ADGRB3: variants seen among roughly 807,000 people sequenced by gnomAD.
The protein encoded by ADGRB3 is brain-specific angiogenesis inhibitor 3.
A neutral mutation model predicts 193.4 loss-of-function variants in ADGRB3; 37 were observed. The ratio of observed to expected loss-of-function variants is 0.19; its 90% CI spans 0.15 to 0.25. The LOEUF (loss-of-function observed/expected upper bound fraction) is 0.25. Ranked by LOEUF, ADGRB3 falls within the 10% of genes least tolerant of loss-of-function variation. ADGRB3 has a pLI of 1.00. For missense variants in ADGRB3, 1,637 were observed against 1,852.9 expected (o/e 0.88, Z 2.14); for synonymous variants, 690 against 644.2 (o/e 1.07, Z -1.08).
At chr6:68,877,666 A>G (rs893962804) in intron 3 of ADGRB3, among the ~76,000 whole-genome samples, 3 of 152,128 alleles carry the variant, frequency 2.0e-5, no homozygotes, top group African/African-American at 4.8e-5. Flanking sequence ...GAAAACAAAG[A>G]CATTATCTTT....
chr6:69,291,199 A>T (rs1443691494), intron 20 of ADGRB3, among the ~76,000 whole-genome samples: 3 of 152,138 alleles, frequency 2.0e-5, no homozygotes, highest in Non-Finnish European at 4.4e-5. Flanking sequence ...GCCCACCTTC[A>T]TATAATTCTC....
rs147212224 is a variant in ADGRB3, at chr6:69,134,489, C to A, written c.2480+58451C>A. Among the ~76,000 whole-genome samples the A allele has an allele frequency of 1.5e-3, 234 of 152,192 alleles. 3 individuals carry two copies. Among genetic ancestry groups the A allele is most frequent in the African/African-American group, 5.2e-3 (217 of 41,548 alleles). On this transcript the variant is annotated intron_variant, in intron 17 of 31. Coordinates refer to ENST00000370598, the MANE Select transcript of ADGRB3 (RefSeq NM_001704.3). ...ACCATAGCTTTTACTTCCCTGTAAT[C>A]CCCATAGCACTTCATATCTCATATT...
chr6:69,323,328 T>C (rs929431571), intron 20 of ADGRB3, among the ~76,000 whole-genome samples: 1 of 151,926 alleles, frequency 6.6e-6, no homozygotes, highest in Non-Finnish European at 1.5e-5. Context: ...GGAATTCAAA[T>C]GGATTGGTGA....
intron 20 of ADGRB3, among the ~76,000 whole-genome samples, chr6:69,259,695 C>CAAAAAAAAA (rs397887907): frequency 1.1e-3 from 87 of 76,156 alleles, no homozygotes; most frequent in African/African-American, 3.9e-3. Flanking sequence ...GACTCTGTCT[C>CAAAAAAAAA]AAAAAAAAAA....
At chr6:68,819,894 C>T (rs1248502692) in intron 3 of ADGRB3, among the ~76,000 whole-genome samples, 2 of 151,932 alleles carry the variant, frequency 1.3e-5, no homozygotes, top group Non-Finnish European at 2.9e-5. Context: ...CTTATTTCCC[C>T]GAATATCATC....
At chr6:69,225,417 T>C (rs1765988103) in intron 17 of ADGRB3, among the ~76,000 whole-genome samples, 1 of 152,206 alleles carries the variant, frequency 6.6e-6, no homozygotes, top group Admixed American at 6.5e-5. Flanking sequence ...TGAGTACTCT[T>C]CCTGTATGTT....
intron 31 of ADGRB3, among the ~76,000 whole-genome samples, chr6:69,388,177 G>A (rs1770114797): frequency 6.6e-6 from 1 of 152,046 alleles, no homozygotes; most frequent in African/African-American, 2.4e-5. Flanking sequence ...GAATATAGCA[G>A]CATTTAAATA....
intron 17 of ADGRB3, among the ~76,000 whole-genome samples, chr6:69,153,628 G>A (rs2150342060): frequency 6.6e-6 from 1 of 152,052 alleles, no homozygotes; most frequent in African/African-American, 2.4e-5. Flanking sequence ...ATTTCAAATG[G>A]GATCCATCAG....
At position 68,930,553 on chromosome 6, in the gene ADGRB3, CT is replaced by C; in HGVS notation, c.758-3del. ...AAGCTTTCATATACCTTTATTCTGT[CT>C]TTAGAATTTGGAATGATGGGAGATC... On this transcript the variant is annotated splice_polypyrimidine_tract_variant and splice_region_variant and intron_variant, in intron 3 of 31. Coordinates refer to ENST00000370598, the MANE Select transcript of ADGRB3 (RefSeq NM_001704.3). The C allele has an allele frequency of 6.3e-7, 1 of 1,596,048 alleles. No individual in the cohort carries two copies. Among genetic ancestry groups the C allele is most frequent in the Non-Finnish European group, 8.6e-7 (1 of 1,166,384 alleles).
At chr6:69,199,327 T>C (rs1040105538) in intron 17 of ADGRB3, among the ~76,000 whole-genome samples, 1 of 152,104 alleles carries the variant, frequency 6.6e-6, no homozygotes, top group Non-Finnish European at 1.5e-5. Context: ...CAGACTGTTT[T>C]TGAAGTCACC....
chr6:69,032,931 G>T (rs903379520), intron 13 of ADGRB3, among the ~76,000 whole-genome samples: 5 of 152,222 alleles, frequency 3.3e-5, no homozygotes, highest in Admixed American at 3.3e-4. Context: ...ACAAACACAA[G>T]GCCAAATATG....
chr6:69,225,118 T>G (rs991864057), intron 17 of ADGRB3, among the ~76,000 whole-genome samples: 4 of 152,204 alleles, frequency 2.6e-5, no homozygotes, highest in African/African-American at 9.6e-5. Context: ...ATATAATTTT[T>G]TGTGCTATCT....
At chr6:69,281,927 TC>T (rs1434018115) in intron 20 of ADGRB3, among the ~76,000 whole-genome samples, 3 of 152,136 alleles carry the variant, frequency 2.0e-5, no homozygotes, top group Admixed American at 6.6e-5. Context: ...TTTATTGTCA[TC>T]CTGATTTGGG....
intron 3 of ADGRB3, among the ~76,000 whole-genome samples, chr6:68,774,709 G>A (rs993667490): frequency 4.6e-5 from 7 of 151,906 alleles, no homozygotes; most frequent in Non-Finnish European, 1.0e-4. Context: ...ACATCCAAAA[G>A]ATTTGAAATA....
chr6:69,351,176 C>A (rs1769217112), intron 26 of ADGRB3, among the ~76,000 whole-genome samples: 1 of 151,320 alleles, frequency 6.6e-6, no homozygotes, highest in Non-Finnish European at 1.5e-5. Context: ...TCACTGCAAC[C>A]TTCGCCTCCC....
chr6:69,255,626 C>A (rs897610981), intron 20 of ADGRB3, among the ~76,000 whole-genome samples: 6 of 152,058 alleles, frequency 3.9e-5, no homozygotes, highest in African/African-American at 1.5e-4. Context: ...GAGTAGGTTG[C>A]AAAAATTTTC....
intron 3 of ADGRB3, among the ~76,000 whole-genome samples, chr6:68,795,013 C>A (rs1287980915): frequency 6.6e-6 from 1 of 151,838 alleles, no homozygotes; most frequent in Non-Finnish European, 1.5e-5. Context: ...ATTGTTTTTG[C>A]CAATTTTGAG....
At chr6:68,756,478 CA>C (rs949652398) in intron 3 of ADGRB3, among the ~76,000 whole-genome samples, 2 of 152,088 alleles carry the variant, frequency 1.3e-5, no homozygotes, top group African/African-American at 4.8e-5. Context: ...TGCCTAAATC[CA>C]AATGCATAGT....
At chr6:69,055,133 G>A (rs961676822) in intron 15 of ADGRB3, among the ~76,000 whole-genome samples, 4 of 151,846 alleles carry the variant, frequency 2.6e-5, no homozygotes, top group Non-Finnish European at 4.4e-5. Context: ...TTCTATAACT[G>A]CATTACATTT....
Sources: gnomAD v4.1 joint callset for allele counts (sites outside exome capture counted in the v4.1 genomes callset) on GRCh38, gnomAD v4.1.1 for gene constraint, MANE v1.5 for transcripts, NCBI Gene and HGNC (gene_info 2026-07-23, HGNC 2026-07-21) for gene names.